The following GALNT13 variants were observed in gnomAD, a reference collection of about 807,000 sequenced individuals.
GALNT13 encodes the protein polypeptide N-acetylgalactosaminyltransferase 13, also known as UDP-GalNAc:polypeptide N-acetylgalactosaminyltransferase 13.
In GALNT13, 28 loss-of-function variants were observed where a neutral mutation model predicts 64.2. That is an observed-to-expected ratio of 0.44 (90% confidence interval 0.32 to 0.60). The LOEUF is 0.60. Ranked by LOEUF, GALNT13 falls within the 20% of genes least tolerant of loss-of-function variation. The pLI, the probability that GALNT13 is intolerant of heterozygous loss-of-function variation, is 0.05. For missense variants in GALNT13, 577 were observed against 669.8 expected, an observed-to-expected ratio of 0.86 and a Z score of 1.53; for synonymous variants, 214 against 224.6, an observed-to-expected ratio of 0.95 and a Z score of 0.42.
At chr2:153,737,124 G>A in the GALNT13 span, among the ~76,000 whole-genome samples, 25 of 152,162 alleles carry the variant, frequency 1.6e-4, no homozygotes, top group Admixed American at 1.6e-3. Context: ...TCAAGCATGC[G>A]TGCCTGGTGG....
At chr2:153,603,009 T>C in the GALNT13 span, among the ~76,000 whole-genome samples, 2 of 151,900 alleles carry the variant, frequency 1.3e-5, no homozygotes, top group Non-Finnish European at 2.9e-5. Flanking sequence ...CAACAGTATA[T>C]ATTGACTATT....
chr2:153,523,454 CA>C, the GALNT13 span, among the ~76,000 whole-genome samples: 10 of 152,272 alleles, frequency 6.6e-5, no homozygotes, highest in Non-Finnish European at 1.2e-4. Flanking sequence ...TTCATAAAAA[CA>C]AAACATCTCA....
the GALNT13 span, chr2:153,478,908 A>C: frequency 6.8e-6 from 2 of 295,984 alleles, no homozygotes; most frequent in East Asian, 5.9e-5. Flanking sequence ...CGCTGAGCAA[A>C]CAGCGGCCCC....
the GALNT13 span, among the ~76,000 whole-genome samples, chr2:153,415,638 T>C: frequency 6.6e-6 from 1 of 152,172 alleles, no homozygotes; most frequent in Non-Finnish European, 1.5e-5. Flanking sequence ...GAAACAATGT[T>C]CACCATATGA....
chr2:153,178,161 A>G, the GALNT13 span, among the ~76,000 whole-genome samples: 3 of 152,230 alleles, frequency 2.0e-5, no homozygotes, highest in Non-Finnish European at 4.4e-5. Flanking sequence ...AGTGTTGGCA[A>G]TAAATAGAAG....
chr2:153,197,662 G>A, the GALNT13 span, among the ~76,000 whole-genome samples: 5 of 152,348 alleles, frequency 3.3e-5, no homozygotes, highest in African/African-American at 4.8e-5. Flanking sequence ...GTGGTTGTGT[G>A]GCAGTGAAGG....
the GALNT13 span, among the ~76,000 whole-genome samples, chr2:153,857,707 G>A: frequency 6.6e-6 from 1 of 152,128 alleles, no homozygotes; most frequent in Admixed American, 6.5e-5. Flanking sequence ...ACCTCTTCTT[G>A]ATATATCTGA....
chr2:153,902,384 TGC>T (rs1322748988), intron 2 of GALNT13, among the ~76,000 whole-genome samples: 1 of 152,140 alleles, frequency 6.6e-6, no homozygotes, highest in Non-Finnish European at 1.5e-5. Flanking sequence ...TAATAGTCCA[TGC>T]TCCTAAATGT....
In GALNT13 at chr2:154,432,967, G is replaced by A. The variant is rs1418680453; in HGVS notation, c.1396-5625G>A. Among the ~76,000 whole-genome samples the A allele has an allele frequency of 2.0e-5, 3 of 152,162 alleles. No individual in the cohort carries two copies. In the East Asian group the frequency reaches 5.8e-4, roughly 29 times the overall value. On this transcript the variant is annotated intron_variant, in intron 11 of 12. Coordinates refer to ENST00000392825, the MANE Select transcript of GALNT13 (RefSeq NM_052917.4). ...TAGTTGCCCTCCCTCTAGAGGAGAT[G>A]GGCTGGGATTCTAGCTTCCAGTAAG...
At chr2:154,112,522 T>A (rs950667477) in intron 3 of GALNT13, among the ~76,000 whole-genome samples, 4 of 152,196 alleles carry the variant, frequency 2.6e-5, no homozygotes, top group African/African-American at 9.6e-5. Context: ...TCCCCAAATT[T>A]CTTTGTCACC....
the GALNT13 span, among the ~76,000 whole-genome samples, chr2:153,562,315 A>G: frequency 1.3e-5 from 2 of 152,128 alleles, no homozygotes; most frequent in Non-Finnish European, 1.5e-5. Context: ...TAATGTAACA[A>G]TAATAAAATT....
the GALNT13 span, among the ~76,000 whole-genome samples, chr2:153,470,228 T>C: frequency 6.6e-6 from 1 of 152,114 alleles, no homozygotes; most frequent in African/African-American, 2.4e-5. Context: ...CCTCTTGCTT[T>C]TTTTGATACT....
rs1390902509 is a variant in GALNT13 at position 154,245,937 on chromosome 2, A to G, written c.812A>G (p.Gln271Arg). The change falls in exon 7 of 13, where the codon CAA becomes CGA. Residue 271 changes from glutamine to arginine, a missense_variant. By Grantham distance (43) the Gln-to-Arg change is conservative (BLOSUM62 1). Transcript: ENST00000392825. The stretch of plus-strand genomic sequence containing the variant: ...AATTTCCGCTGGTATCCTGTTCCCC[A>G]AAGAGAAATGGACAGGAGGAAAGGA... The part of the protein sequence containing the change: ...KLNFRWYPVP[Q>R]REMDRRKGDR... 4 of 1,613,282 alleles carry G rather than the reference A, an allele frequency of 2.5e-6. No individual in the cohort carries two copies. Among genetic ancestry groups the G allele is most frequent in the Non-Finnish European group, 3.4e-6 (4 of 1,179,510 alleles).
chr2:154,148,824 T>C (rs1683786649), intron 4 of GALNT13, among the ~76,000 whole-genome samples: 1 of 152,190 alleles, frequency 6.6e-6, no homozygotes, highest in East Asian at 1.9e-4. Flanking sequence ...ATTGTGGATA[T>C]TAGCCCTTTG....
chr2:153,614,809 T>G, the GALNT13 span, among the ~76,000 whole-genome samples: 1 of 152,112 alleles, frequency 6.6e-6, no homozygotes, highest in East Asian at 1.9e-4. Flanking sequence ...GATATAGGCA[T>G]GCAATATAAA....
the GALNT13 span, among the ~76,000 whole-genome samples, chr2:153,535,210 G>A: frequency 5.3e-5 from 8 of 152,022 alleles, no homozygotes; most frequent in African/African-American, 1.4e-4. Context: ...GCCCGGATAC[G>A]GTTTTGTATG....
intron 3 of GALNT13, among the ~76,000 whole-genome samples, chr2:154,128,523 T>C (rs1343156654): frequency 6.6e-6 from 1 of 152,062 alleles, no homozygotes; most frequent in Non-Finnish European, 1.5e-5. Flanking sequence ...CAGTGTAAAT[T>C]AATAATGAAC....
At chr2:153,725,363 G>C in the GALNT13 span, among the ~76,000 whole-genome samples, 8 of 151,040 alleles carry the variant, frequency 5.3e-5, no homozygotes, top group South Asian at 2.1e-4. Flanking sequence ...GCTAGATGAC[G>C]AGTTAGTGGG....
chr2:153,606,394 T>C, the GALNT13 span, among the ~76,000 whole-genome samples: 29 of 152,224 alleles, frequency 1.9e-4, no homozygotes, highest in African/African-American at 7.0e-4. Context: ...ACAAAGATTG[T>C]CCAATCTGTG....
Sources: gnomAD v4.1 joint callset for allele counts (sites outside exome capture counted in the v4.1 genomes callset) on GRCh38, gnomAD v4.1.1 for gene constraint, MANE v1.5 for transcripts, NCBI Gene and HGNC (gene_info 2026-07-23, HGNC 2026-07-21) for gene names.